The following FAM47C variants were observed in gnomAD, a reference collection of about 807,000 sequenced individuals.
FAM47C encodes the protein putative protein FAM47C.
For missense variants in FAM47C, 847 were observed against 879.9 expected, an observed-to-expected ratio of 0.96 and a Z score of 0.47; for synonymous variants, 307 against 346.5, an observed-to-expected ratio of 0.89 and a Z score of 1.27.
rs1556333323 is a variant in FAM47C, at chrX:37,011,069, A to C, written c.2659A>C (p.Asn887His). The change falls in exon 1 of 1, where the codon AAT becomes CAT. Residue 887 changes from asparagine to histidine, a missense_variant. Asn to His is a moderately conservative substitution (Grantham distance 68). Transcript: ENST00000358047. ...ECRATYQDQK[N>H]KKANECSSGL... Reference sequence around the variant, plus strand: ...CAGAGCAACCTATCAAGACCAAAAGAATAAGAAGGCAAACGAGTGTTCCTC... The same window carrying C: ...CAGAGCAACCTATCAAGACCAAAAGCATAAGAAGGCAAACGAGTGTTCCTC... 3 of 1,212,023 alleles carry C rather than the reference A, an allele frequency of 2.5e-6. No homozygotes were observed. The Admixed American group carries it at 6.5e-5, about 26-fold the overall frequency.
chrX:37,010,146 T>G lies in FAM47C; in HGVS notation c.1736T>G (p.Val579Gly). 8.4e-7 allele frequency: 1 copy of G among 1,185,625 alleles called. No homozygotes were observed. Among genetic ancestry groups the G allele is most frequent in the Non-Finnish European group, 1.1e-6 (1 of 887,364 alleles). The change falls in exon 1 of 1, where the codon GTG (valine) becomes GGG (glycine). Residue 579 changes from valine to glycine, a missense_variant. Val to Gly is a moderately radical substitution (Grantham distance 109, BLOSUM62 -3). Coordinates refer to ENST00000358047, the MANE Select transcript of FAM47C (RefSeq NM_001013736.3). ...CGCCCGGAGCCTCCCGATACTGGAGTGTCCCATCTCTGCCCAGAGCCTCCC... is the reference window on the plus strand; with the variant it reads ...CGCCCGGAGCCTCCCGATACTGGAGGGTCCCATCTCTGCCCAGAGCCTCCC... ...SLRPEPPDTG[V>G]SHLCPEPPKT...
In FAM47C at chrX:37,008,495, T is replaced by C. The variant is rs1927661501; in HGVS notation, c.85T>C (p.Tyr29His). The C allele has an allele frequency of 8.2e-7, 1 of 1,212,348 alleles. No individual in the cohort carries two copies. Among genetic ancestry groups the C allele is most frequent in the Non-Finnish European group, 1.1e-6 (1 of 895,561 alleles). ...GTACTGTGACAAACCGCCTTCCAAG[T>C]ACTTCGCGAAGCGCAAGCACAGGCG... ...PWYCDKPPSK[Y>H]FAKRKHRRLR... The change falls in exon 1 of 1, where the codon TAC becomes CAC. Residue 29 changes from tyrosine (Y) to histidine (H), a missense_variant. Coordinates refer to ENST00000358047, the MANE Select transcript of FAM47C (RefSeq NM_001013736.3).
rs782385927 is a variant in FAM47C at position 37,009,063 on chromosome X, G to A, written c.653G>A (p.Gly218Glu). The change falls in exon 1 of 1, where the codon GGA (glycine) becomes GAA (glutamate). Residue 218 changes from glycine to glutamate, a missense_variant. Physicochemically the swap from Gly to Glu is moderately conservative, Grantham distance 98 (BLOSUM62 -2). Transcript: ENST00000358047. ...CTCCGCCCGGAGCCTCCAGAGACTGGAGTGTCCCATCTCCGCCCACAGCCT... is the reference window on the plus strand; with the variant it reads ...CTCCGCCCGGAGCCTCCAGAGACTGAAGTGTCCCATCTCCGCCCACAGCCT... Reference protein sequence around the residue: ...SSLRPEPPETGVSHLRPQPPK... With the variant: ...SSLRPEPPETEVSHLRPQPPK... 10 of 1,208,605 alleles carry A rather than the reference G, an allele frequency of 8.3e-6. No individual in the cohort carries two copies. Among genetic ancestry groups the A allele is most frequent in the Non-Finnish European group, 1.1e-5 (10 of 894,600 alleles).
At position 37,011,347 on chromosome X, in the gene FAM47C, A is replaced by G. The variant is rs1927796459; in HGVS notation, c.2937A>G (p.Pro979=). ...EPDILDGLYG[P]IAFKDFILSK... ...ACATTCTTGACGGTCTTTATGGACCAATCGCCTTTAAGGATTTCATTCTAA... is the reference window on the plus strand; with the variant it reads ...ACATTCTTGACGGTCTTTATGGACCGATCGCCTTTAAGGATTTCATTCTAA... The change falls in exon 1 of 1, where the codon CCA becomes CCG. Residue 979 remains proline, a synonymous_variant. Coordinates refer to ENST00000358047, the MANE Select transcript of FAM47C (RefSeq NM_001013736.3). The G allele has an allele frequency of 1.7e-6, 2 of 1,211,497 alleles. No individual in the cohort carries two copies. The highest frequency in any genetic ancestry group is 2.2e-6 in the Non-Finnish European group (2 of 895,468).
At position 37,008,479 on chromosome X, in the gene FAM47C, C is replaced by G; in HGVS notation, c.69C>G (p.Asp23Glu). The G allele has an allele frequency of 8.2e-7, 1 of 1,212,480 alleles. No individual in the cohort carries two copies. The highest frequency in any genetic ancestry group is 1.1e-6 in the Non-Finnish European group (1 of 895,581). Residue 23 changes from aspartate to glutamate, a missense_variant, in exon 1 of 1, where the codon GAC (aspartate) becomes GAG (glutamate). By Grantham distance (45) the Asp-to-Glu change is conservative. Coordinates refer to ENST00000358047, the MANE Select transcript of FAM47C (RefSeq NM_001013736.3). ...PGMDSTPWYC[D>E]KPPSKYFAKR... Reference sequence around the variant, plus strand: ...TGGACTCCACGCCCTGGTACTGTGACAAACCGCCTTCCAAGTACTTCGCGA... The same window carrying G: ...TGGACTCCACGCCCTGGTACTGTGAGAAACCGCCTTCCAAGTACTTCGCGA...
chrX:37,010,755 G>T lies in FAM47C; in HGVS notation c.2345G>T (p.Arg782Leu), dbSNP rs1556333155. The change falls in exon 1 of 1, where the codon CGG becomes CTG. Residue 782 changes from arginine to leucine, a missense_variant. Transcript: ENST00000358047. The part of the protein sequence containing the change: ...SHLHPELPKP[R>L]VSSLHLEPPK... ...CTCCACCCAGAGCTTCCCAAGCCTC[G>T]GGTATCCAGTCTCCACCTGGAGCCT... 3.3e-6 allele frequency: 4 copies of T among 1,210,320 alleles called. No homozygotes were observed. Among genetic ancestry groups the T allele is most frequent in the Non-Finnish European group, 4.5e-6 (4 of 895,157 alleles).
Position 37,010,050 on chromosome X carries a change from G to A in FAM47C, c.1640G>A (p.Arg547His), listed in dbSNP as rs781997233. 9 of 1,189,366 alleles carry A rather than the reference G, an allele frequency of 7.6e-6. No individual in the cohort carries two copies. The highest frequency in any genetic ancestry group is 1.8e-5 in the South Asian group (1 of 55,360). ...APPESSVSHLRPEPPETGVSH... is the reference protein window; with the variant it reads ...APPESSVSHLHPEPPETGVSH... Reference sequence around the variant, plus strand: ...CCTGAGAGTAGCGTATCTCATCTCCGCCCAGAGCCTCCTGAGACTGGAGTG... The same window carrying A: ...CCTGAGAGTAGCGTATCTCATCTCCACCCAGAGCCTCCTGAGACTGGAGTG... The change falls in exon 1 of 1, where the codon CGC (arginine) becomes CAC (histidine). Residue 547 changes from arginine to histidine, a missense_variant. Physicochemically the swap from Arg to His is conservative, Grantham distance 29 (BLOSUM62 0). Coordinates refer to ENST00000358047, the MANE Select transcript of FAM47C (RefSeq NM_001013736.3).
In FAM47C at chrX:37,008,918, A is replaced by G; in HGVS notation, c.508A>G (p.Lys170Glu). 1 of 1,211,461 alleles carries G rather than the reference A, an allele frequency of 8.3e-7. No individual in the cohort carries two copies. The highest frequency in any genetic ancestry group is 1.1e-6 in the Non-Finnish European group (1 of 895,309). ...EDAGSCEGQEKTTDEPTEPGK... is the reference protein window; with the variant it reads ...EDAGSCEGQEETTDEPTEPGK... ...CGCAGGCTCTTGTGAGGGCCAGGAG[A>G]AGACAACTGACGAACCCACGGAGCC... is the stretch of plus-strand genomic sequence containing the variant. Residue 170 changes from lysine to glutamate, a missense_variant, in exon 1 of 1, where the codon AAG (lysine) becomes GAG (glutamate). Transcript: ENST00000358047.
In FAM47C at chrX:37,009,539, C is replaced by T. The variant is rs1345965917; in HGVS notation, c.1129C>T (p.His377Tyr). The T allele has an allele frequency of 2.5e-6, 3 of 1,205,051 alleles. No individual in the cohort carries two copies. The highest frequency in any genetic ancestry group is 4.4e-5 in the Admixed American group (2 of 45,367). Residue 377 changes from histidine (H) to tyrosine (Y), a missense_variant, in exon 1 of 1, where the codon CAT becomes TAT. By Grantham distance (83) the His-to-Tyr change is moderately conservative. Transcript: ENST00000358047. ...GCTGCCTCCCGAGGCTGGAGTGTCC[C>T]ATCTCTGCCCGGAACCTCCCAAGAC... is the stretch of plus-strand genomic sequence containing the variant. The part of the protein sequence containing the change: ...RQLPPEAGVS[H>Y]LCPEPPKTRV...
chrX:37,008,955 C>T lies in FAM47C; in HGVS notation c.545C>T (p.Pro182Leu). The change falls in exon 1 of 1, where the codon CCC (proline) becomes CTC (leucine). Residue 182 changes from proline to leucine, a missense_variant. Physicochemically the swap from Pro to Leu is moderately conservative, Grantham distance 98 (BLOSUM62 -3). Transcript: ENST00000358047. ...GAACCCACGGAGCCTGGTAAATACC[C>T]CTGTGGGGAATTCTCCCCTCGGCCT... is the stretch of plus-strand genomic sequence containing the variant. ...TDEPTEPGKY[P>L]CGEFSPRPPE... 1 of 1,211,709 alleles carries T rather than the reference C, an allele frequency of 8.3e-7. No individual in the cohort carries two copies. Among genetic ancestry groups the T allele is most frequent in the Non-Finnish European group, 1.1e-6 (1 of 895,328 alleles).
chrX:37,009,040 C>T lies in FAM47C; in HGVS notation c.630C>T (p.Leu210=). ...PEPPKTPVSS[L]RPEPPETGVS... The stretch of plus-strand genomic sequence containing the variant: ...CTCCCAAGACTCCGGTGTCCAGTCT[C>T]CGCCCGGAGCCTCCAGAGACTGGAG... The change falls in exon 1 of 1, where the codon CTC becomes CTT. Residue 210 remains leucine, a synonymous_variant. Transcript: ENST00000358047. 3 of 1,211,453 alleles carry T rather than the reference C, an allele frequency of 2.5e-6. No homozygotes were observed. Among genetic ancestry groups the T allele is most frequent in the South Asian group, 1.8e-5 (1 of 56,912 alleles).
chrX:37,011,000 A>C lies in FAM47C; in HGVS notation c.2590A>C (p.Asn864His). The C allele has an allele frequency of 8.2e-7, 1 of 1,212,353 alleles. No individual in the cohort carries two copies. The highest frequency in any genetic ancestry group is 1.1e-6 in the Non-Finnish European group (1 of 895,651). Reference protein sequence around the residue: ...DFKWAGDLGVNEESISSLFDF... With the variant: ...DFKWAGDLGVHEESISSLFDF... ...CAAGTGGGCTGGAGACCTAGGAGTT[A>C]ATGAAGAATCCATCAGCAGTCTGTT... Residue 864 changes from asparagine to histidine, a missense_variant, in exon 1 of 1, where the codon AAT becomes CAT. Asn to His is a moderately conservative substitution (Grantham distance 68). Coordinates refer to ENST00000358047, the MANE Select transcript of FAM47C (RefSeq NM_001013736.3).
In FAM47C at chrX:37,008,384, A is replaced by G; in HGVS notation, c.-27A>G. On this transcript the variant is annotated 5_prime_UTR_variant, in exon 1 of 1. Coordinates refer to ENST00000358047, the MANE Select transcript of FAM47C (RefSeq NM_001013736.3). ...AGGGATCAGGAACCGCGGAAACTGG[A>G]GAGGTGGCACCCCAGCGAGGGCCAC... is the stretch of plus-strand genomic sequence containing the variant. The G allele has an allele frequency of 8.6e-7, 1 of 1,161,883 alleles. No homozygotes were observed.
Position 37,008,661 on chromosome X carries a change from G to A in FAM47C, c.251G>A (p.Arg84Lys). 8.3e-7 allele frequency: 1 copy of A among 1,212,043 alleles called. No individual in the cohort carries two copies. Among genetic ancestry groups the A allele is most frequent in the East Asian group, 3.0e-5 (1 of 33,839 alleles). ...TTTTTACTCCCCAAAATATCTCTCA[G>A]AGGTCCCCAAGCTGACCCCAAAAGC... ...DEFLLPKISL[R>K]GPQADPKSRK... is the part of the protein sequence containing the mutation. The change falls in exon 1 of 1, where the codon AGA becomes AAA. Residue 84 changes from arginine to lysine, a missense_variant. Arg to Lys is a conservative substitution (Grantham distance 26, BLOSUM62 2). Transcript: ENST00000358047.
In FAM47C at chrX:37,011,278, TTTGA is replaced by T; in HGVS notation, c.2873_2876del (p.Ile958ThrfsTer29). 8.3e-7 allele frequency: 1 copy of T among 1,210,289 alleles called. No individual in the cohort carries two copies. The highest frequency in any genetic ancestry group is 1.1e-6 in the Non-Finnish European group (1 of 894,806). ...GGAAAAAGCTAAGAAGTGATGAACC[TTTGA>T]TTGACCCCAAGCTCGTACTTGAAAA... is the stretch of plus-strand genomic sequence containing the variant. On this transcript the variant is annotated frameshift_variant, in exon 1 of 1. Transcript: ENST00000358047. LOFTEE classifies it low-confidence loss of function (END_TRUNC).
chrX:37,009,427 G>A lies in FAM47C; in HGVS notation c.1017G>A (p.Val339=), dbSNP rs1556332076. The A allele has an allele frequency of 2.5e-6, 3 of 1,205,244 alleles. No individual in the cohort carries two copies. Among genetic ancestry groups the A allele is most frequent in the East Asian group, 3.0e-5 (1 of 33,534 alleles). The change falls in exon 1 of 1, where the codon GTG becomes GTA. Residue 339 remains valine (V), a synonymous_variant. Coordinates refer to ENST00000358047, the MANE Select transcript of FAM47C (RefSeq NM_001013736.3). ...HLHPEPPKTL[V]SSLHPEPPET... is the part of the protein sequence containing the mutation. Reference sequence around the variant, plus strand: ...ACCCAGAGCCTCCCAAGACTCTGGTGTCCAGTCTCCACCCAGAGCCTCCCG... The same window carrying A: ...ACCCAGAGCCTCCCAAGACTCTGGTATCCAGTCTCCACCCAGAGCCTCCCG...
chrX:37,008,555 G>C lies in FAM47C; in HGVS notation c.145G>C (p.Val49Leu). Residue 49 changes from valine (V) to leucine (L), a missense_variant, in exon 1 of 1, where the codon GTA (valine) becomes CTA (leucine). By Grantham distance (32) the Val-to-Leu change is conservative (BLOSUM62 1). Transcript: ENST00000358047. ...CCCGCCTGTGGACACCCAGAACTGG[G>C]TATTTGTGACGGAGGGCATGGACGA... ...RFPPVDTQNW[V>L]FVTEGMDDFR... 2 of 1,212,590 alleles carry C rather than the reference G, an allele frequency of 1.6e-6. No individual in the cohort carries two copies. The highest frequency in any genetic ancestry group is 2.2e-6 in the Non-Finnish European group (2 of 895,678).
rs782199864 is a variant in FAM47C at position 37,009,571 on chromosome X, A to C, written c.1161A>C (p.Val387=). Residue 387 remains valine (V), a synonymous_variant, in exon 1 of 1, where the codon GTA becomes GTC. Coordinates refer to ENST00000358047, the MANE Select transcript of FAM47C (RefSeq NM_001013736.3). ...GCCCGGAACCTCCCAAGACTCGCGT[A>C]CCTCCTCTCCGCCCAGAGACCCCCA... ...HLCPEPPKTR[V]PPLRPETPKN... The C allele has an allele frequency of 8.4e-7, 1 of 1,194,713 alleles. No individual in the cohort carries two copies. Among genetic ancestry groups the C allele is most frequent in the South Asian group, 1.8e-5 (1 of 56,236 alleles).
chrX:37,010,216 A>G lies in FAM47C; in HGVS notation c.1806A>G (p.Gly602=), dbSNP rs782763374. The change falls in exon 1 of 1, where the codon GGA becomes GGG. Residue 602 remains glycine (G), a synonymous_variant. Coordinates refer to ENST00000358047, the MANE Select transcript of FAM47C (RefSeq NM_001013736.3). ...SSLPPEPPET[G]VSHLCPEPPE... The stretch of plus-strand genomic sequence containing the variant: ...TCCCCCCGGAGCCCCCCGAGACTGG[A>G]GTGTCCCATCTCTGCCCGGAGCCTC... 1 of 1,125,332 alleles carries G rather than the reference A, an allele frequency of 8.9e-7. No homozygotes were observed. The highest frequency in any genetic ancestry group is 2.7e-5 in the African/African-American group (1 of 37,117). The allele number at this position is 1,125,332 out of a possible 1,213,427, so 92.7% of individuals were successfully genotyped here.
Sources: allele counts gnomAD v4.1 joint callset, GRCh38; gene constraint gnomAD v4.1.1; transcripts MANE v1.5; gene names NCBI Gene and HGNC (gene_info 2026-07-23, HGNC 2026-07-21).